Variants in MEIS2 observed in about 807,000 individuals in gnomAD.
MEIS2 encodes Meis homeobox 2.
In MEIS2, 9 loss-of-function variants were observed where a neutral mutation model predicts 58.6. The observed-to-expected ratio is 0.15, with a 90% CI of 0.09 to 0.27. The LOEUF is 0.27. MEIS2 is among the 10% of genes least tolerant of loss of function. MEIS2 has a pLI of 1.00. For synonymous variants in MEIS2, 221 were observed against 228.4 expected (o/e 0.97, Z 0.29); for missense variants, 427 against 635.0 (o/e 0.67, Z 3.52).
In MEIS2 at chr15:37,083,899, A is replaced by G. The variant is rs746755227; in HGVS notation, c.640-14T>C. 5 of 1,610,272 alleles carry G rather than the reference A, an allele frequency of 3.1e-6. No homozygotes were observed. The African/African-American group carries it at 6.7e-5, about 22-fold the overall frequency. ...AGAAGAAGGGTTCTGATGTCAGGAT[A>G]CCAAGGAATTTTTCCACAGTTACCA... On this transcript the variant is annotated splice_polypyrimidine_tract_variant and intron_variant, in intron 6 of 11. Coordinates refer to ENST00000561208, the MANE Select transcript of MEIS2 (RefSeq NM_170675.5).
intron 8 of MEIS2, among the ~76,000 whole-genome samples, chr15:36,951,861 C>A (rs1035091279): frequency 6.6e-6 from 1 of 152,066 alleles, no homozygotes. Context: ...CCTCCTGCTT[C>A]GAGTCTACCC....
At chr15:36,994,147 C>G (rs1018538624) in intron 8 of MEIS2, among the ~76,000 whole-genome samples, 1 of 152,104 alleles carries the variant, frequency 6.6e-6, no homozygotes, top group Non-Finnish European at 1.5e-5. Context: ...TTTAAAAATA[C>G]TGTCAACGAT....
At chr15:37,060,744 T>C (rs567105687) in intron 7 of MEIS2, among the ~76,000 whole-genome samples, 2 of 152,202 alleles carry the variant, frequency 1.3e-5, no homozygotes, top group Non-Finnish European at 2.9e-5. Flanking sequence ...TTTCTGTTAC[T>C]GTGAATCTGA....
chr15:37,062,723 C>A (rs982627015), intron 7 of MEIS2, among the ~76,000 whole-genome samples: 10 of 152,254 alleles, frequency 6.6e-5, no homozygotes, highest in Admixed American at 5.9e-4. Flanking sequence ...TATAAGGACC[C>A]CTGAAGAATT....
chr15:37,063,032 A>G (rs1181517267), intron 7 of MEIS2, among the ~76,000 whole-genome samples: 1 of 152,220 alleles, frequency 6.6e-6, no homozygotes, highest in African/African-American at 2.4e-5. Context: ...GTGGATTTTT[A>G]GAAAAGAGCT....
rs534076821 is a variant in MEIS2 at position 36,929,460 on chromosome 15, G to A, written c.977+20864C>T. ...ATGGAGTTTCCCTACATTTTGAGAT[G>A]AAATTTGTACGAGAGTATTGTGTAG... is the stretch of plus-strand genomic sequence containing the variant. On this transcript the variant is annotated intron_variant, in intron 9 of 11. Coordinates refer to ENST00000561208, the MANE Select transcript of MEIS2 (RefSeq NM_170675.5). Among the ~76,000 whole-genome samples, 199 of 152,318 alleles carry A rather than the reference G, an allele frequency of 1.3e-3. 1 individual carries two copies. Among genetic ancestry groups the A allele is most frequent in the Non-Finnish European group, 2.4e-3 (161 of 68,034 alleles).
intron 6 of MEIS2, among the ~76,000 whole-genome samples, chr15:37,088,317 CA>C (rs1893131555): frequency 1.3e-5 from 2 of 152,076 alleles, no homozygotes; most frequent in Non-Finnish European, 1.5e-5. Flanking sequence ...ATATTTTAAT[CA>C]GTAAATGAAG....
intron 9 of MEIS2, among the ~76,000 whole-genome samples, chr15:36,906,092 G>A (rs1008461917): frequency 1.3e-5 from 2 of 152,198 alleles, no homozygotes; most frequent in Admixed American, 6.5e-5. Context: ...GACCGGGGCC[G>A]ATGTTGTGCA....
intron 9 of MEIS2, among the ~76,000 whole-genome samples, chr15:36,947,538 T>A (rs182892593): frequency 1.2e-4 from 18 of 152,108 alleles, no homozygotes; most frequent in African/African-American, 4.3e-4. Context: ...TTGTGTGGCC[T>A]TTCTATATTA....
chr15:37,071,523 G>C (rs962433605), intron 7 of MEIS2, among the ~76,000 whole-genome samples: 2 of 151,598 alleles, frequency 1.3e-5, no homozygotes, highest in Non-Finnish European at 2.9e-5. Flanking sequence ...TGTTGCATGG[G>C]GTCAGTTTTC....
At chr15:37,067,618 T>C (rs998914496) in intron 7 of MEIS2, among the ~76,000 whole-genome samples, 2 of 150,256 alleles carry the variant, frequency 1.3e-5, no homozygotes, top group Non-Finnish European at 3.0e-5. Flanking sequence ...AAAATTAGAA[T>C]GGGACAGCAT....
chr15:37,069,574 G>T (rs1444043832), intron 7 of MEIS2, among the ~76,000 whole-genome samples: 2 of 152,082 alleles, frequency 1.3e-5, no homozygotes, highest in Non-Finnish European at 2.9e-5. Flanking sequence ...ACATCCAAGT[G>T]GGCAATCCCC....
chr15:37,067,090 T>C (rs76406487), intron 7 of MEIS2, among the ~76,000 whole-genome samples: 1 of 141,168 alleles, frequency 7.1e-6, no homozygotes, highest in African/African-American at 2.6e-5. Context: ...AACTAACTCT[T>C]TTTTTTTTTT....
chr15:37,054,356 GA>G (rs1251178092), intron 7 of MEIS2, among the ~76,000 whole-genome samples: 1 of 151,448 alleles, frequency 6.6e-6, no homozygotes, highest in Admixed American at 6.6e-5. Flanking sequence ...TTTACACACA[GA>G]AAACTTGCCA....
intron 7 of MEIS2, among the ~76,000 whole-genome samples, chr15:37,073,136 G>A (rs1385867794): frequency 6.6e-6 from 1 of 152,072 alleles, no homozygotes; most frequent in African/African-American, 2.4e-5. Context: ...CTATTAGTCA[G>A]TCACCAAAAT....
At chr15:36,996,215 A>G (rs575484803) in intron 8 of MEIS2, among the ~76,000 whole-genome samples, 1 of 152,136 alleles carries the variant, frequency 6.6e-6, no homozygotes, top group Non-Finnish European at 1.5e-5. Context: ...ATGAAAGGTC[A>G]TTAGTCTCAC....
At chr15:37,087,781 T>C (rs1893065567) in intron 6 of MEIS2, among the ~76,000 whole-genome samples, 1 of 152,146 alleles carries the variant, frequency 6.6e-6, no homozygotes, top group African/African-American at 2.4e-5. Context: ...GGGACCTACC[T>C]ATAAGAGAAT....
chr15:37,000,663 C>T (rs1381287817), intron 8 of MEIS2, among the ~76,000 whole-genome samples: 1 of 152,102 alleles, frequency 6.6e-6, no homozygotes, highest in Non-Finnish European at 1.5e-5. Context: ...CCTATGTGTG[C>T]CTTTGATTTT....
intron 9 of MEIS2, among the ~76,000 whole-genome samples, chr15:36,938,948 C>T (rs534336258): frequency 1.3e-5 from 2 of 152,282 alleles, no homozygotes; most frequent in South Asian, 2.1e-4. Context: ...ATGCTGTCCC[C>T]GCTGCAGCTC....
Sources: allele counts gnomAD v4.1 joint callset (sites outside exome capture counted in the v4.1 genomes callset), GRCh38; gene constraint gnomAD v4.1.1; transcripts MANE v1.5; gene names NCBI Gene and HGNC (gene_info 2026-07-23, HGNC 2026-07-21).